The following MARCHF10 variants were observed in gnomAD, a reference collection of about 807,000 sequenced individuals.
MARCHF10 encodes the protein membrane associated ring-CH-type finger 10.
A neutral mutation model predicts 76.2 loss-of-function variants in MARCHF10; 64 were observed. The observed-to-expected ratio is 0.84, with a 90% CI of 0.69 to 1.03. The LOEUF is 1.03. Among genes scored for constraint, MARCHF10 ranks in the 50% least tolerant of loss-of-function variants. The pLI is 0.00. For synonymous variants in MARCHF10, 340 were observed against 357.5 expected, an observed-to-expected ratio of 0.95 and a Z score of 0.55; for missense variants, 875 against 958.0, an observed-to-expected ratio of 0.91 and a Z score of 1.14.
At chr17:62,785,498 A>C (rs991782158) in intron 3 of MARCHF10, among the ~76,000 whole-genome samples, 1 of 152,198 alleles carries the variant, frequency 6.6e-6, no homozygotes, top group Admixed American at 6.5e-5. Flanking sequence ...ACCAAAAGCA[A>C]TGGCAACAAA....
intron 6 of MARCHF10, among the ~76,000 whole-genome samples, chr17:62,734,117 G>A (rs1416083149): frequency 1.3e-5 from 2 of 152,136 alleles, no homozygotes; most frequent in Non-Finnish European, 2.9e-5. Flanking sequence ...CCTAGAGGTG[G>A]AGGTTGCAGT....
chr17:62,716,639 T>C (rs2090213918), intron 8 of MARCHF10, among the ~76,000 whole-genome samples: 1 of 151,898 alleles, frequency 6.6e-6, no homozygotes, highest in Non-Finnish European at 1.5e-5. Context: ...AGTTATCATT[T>C]TGGGTGGTAA....
At chr17:62,766,777 G>T (rs192305914) in intron 3 of MARCHF10, among the ~76,000 whole-genome samples, 1 of 152,148 alleles carries the variant, frequency 6.6e-6, no homozygotes, top group Non-Finnish European at 1.5e-5. Flanking sequence ...TGTATCATAC[G>T]CGCCTATTAT....
chr17:62,778,483 C>T (rs1167964336), intron 3 of MARCHF10, among the ~76,000 whole-genome samples: 2 of 152,020 alleles, frequency 1.3e-5, no homozygotes, highest in African/African-American at 4.8e-5. Context: ...CAAATCCAAG[C>T]ACTTTGGGAG....
chr17:62,792,795 A>ATCACCACCTCCATCACTACCC (rs1300903513), intron 2 of MARCHF10, among the ~76,000 whole-genome samples: 27 of 121,676 alleles, frequency 2.2e-4, no homozygotes, highest in African/African-American at 8.5e-4. Context: ...CTCCATCACC[A>ATCACCACCTCCATCACTACCC]CCACCACCTC....
At chr17:62,744,112 T>C (rs1366420734) in intron 5 of MARCHF10, among the ~76,000 whole-genome samples, 1 of 152,008 alleles carries the variant, frequency 6.6e-6, no homozygotes, top group Admixed American at 6.6e-5. Context: ...TCAAAACCAG[T>C]TACACTCATG....
At chr17:62,737,809 A>G (rs2091341050) in intron 5 of MARCHF10, 3 of 159,116 alleles carry the variant, frequency 1.9e-5, no homozygotes, top group Non-Finnish European at 4.1e-5. Context: ...GAGAAGTATA[A>G]CATGTCTTGG....
intron 4 of MARCHF10, among the ~76,000 whole-genome samples, chr17:62,755,217 G>A (rs2092005601): frequency 6.6e-6 from 1 of 152,354 alleles, no homozygotes; most frequent in African/African-American, 2.4e-5. Flanking sequence ...ATCCAGATCT[G>A]TCTTCCTGGC....
rs146838866 is a variant in MARCHF10, at chr17:62,795,141, G to A, written c.90+6505C>T. The stretch of plus-strand genomic sequence containing the variant: ...AACCCTTGCCACCCGCTATAAAGTC[G>A]CCTATCGTGTCCTTGAACACATGTA... On this transcript the variant is annotated intron_variant, in intron 2 of 10. Coordinates refer to ENST00000311269, the MANE Select transcript of MARCHF10 (RefSeq NM_152598.4). The A allele has an allele frequency of 2.3e-4, 170 of 753,638 alleles. No homozygotes were observed. The African/African-American group carries it at 2.5e-3, about 11-fold the overall frequency. 46.7% of individuals were successfully genotyped at this position (753,638 alleles called of 1,614,324 possible).
intron 4 of MARCHF10, among the ~76,000 whole-genome samples, chr17:62,746,386 C>T (rs1481101186): frequency 2.0e-5 from 3 of 151,414 alleles, no homozygotes; most frequent in Non-Finnish European, 4.4e-5. Context: ...CTTGGGATGG[C>T]GTAGGATGTT....
rs565983116 is a variant in MARCHF10, at chr17:62,739,957, G to A, written c.536-2625C>T. ...AGTCCCAGGGTATGCGCGGTGTTGCGGCTCCTGCAGATTCCTGAAACATGC... is the reference window on the plus strand; with the variant it reads ...AGTCCCAGGGTATGCGCGGTGTTGCAGCTCCTGCAGATTCCTGAAACATGC... On this transcript the variant is annotated intron_variant, in intron 5 of 10. Coordinates refer to ENST00000311269, the MANE Select transcript of MARCHF10 (RefSeq NM_152598.4). 1.2e-4 allele frequency among the ~76,000 whole-genome samples: 18 copies of A among 152,188 alleles called. 1 individual carries two copies. The South Asian group carries it at 2.5e-3, about 21-fold the overall frequency.
intron 7 of MARCHF10, among the ~76,000 whole-genome samples, chr17:62,723,231 A>C (rs550505028): frequency 6.7e-6 from 1 of 150,266 alleles, no homozygotes; most frequent in Admixed American, 6.7e-5. Flanking sequence ...AAAAACAGGC[A>C]TTCTAGATCA....
intron 5 of MARCHF10, among the ~76,000 whole-genome samples, chr17:62,739,806 T>C (rs2091439206): frequency 6.6e-6 from 1 of 152,086 alleles, no homozygotes; most frequent in African/African-American, 2.4e-5. Context: ...AAACACCCAA[T>C]GGGCAAAAGA....
At chr17:62,780,112 C>A (rs894651616) in intron 3 of MARCHF10, among the ~76,000 whole-genome samples, 1 of 151,302 alleles carries the variant, frequency 6.6e-6, no homozygotes, top group Non-Finnish European at 1.5e-5. Context: ...AAAAACAAAC[C>A]AAAAAACAAA....
chr17:62,801,482 C>T (rs905658718), intron 2 of MARCHF10, among the ~76,000 whole-genome samples, 164 bp downstream of exon 2: 24 of 147,142 alleles, frequency 1.6e-4, no homozygotes, highest in African/African-American at 3.8e-4. Context: ...TTTTTACAGA[C>T]GAGGATACAG....
intron 3 of MARCHF10, among the ~76,000 whole-genome samples, chr17:62,767,107 A>G (rs565625507): frequency 1.3e-5 from 2 of 152,124 alleles, no homozygotes; most frequent in East Asian, 3.9e-4. Context: ...TGGGGTGAGG[A>G]GGAGGGTGTG....
At chr17:62,719,476 A>G (rs916464374) in intron 8 of MARCHF10, among the ~76,000 whole-genome samples, 1 of 152,076 alleles carries the variant, frequency 6.6e-6, no homozygotes, top group Non-Finnish European at 1.5e-5. Context: ...TCTTGCTTGC[A>G]TGCTTTCTGG....
At chr17:62,799,451 A>G (rs925521122) in intron 2 of MARCHF10, among the ~76,000 whole-genome samples, 1 of 152,218 alleles carries the variant, frequency 6.6e-6, no homozygotes, top group Admixed American at 6.5e-5. Context: ...TCTCACAGTG[A>G]TAAGAATAAA....
At chr17:62,725,189 A>G in intron 6 of MARCHF10, 85 bp from the exon 7 acceptor site, 2 of 1,306,428 alleles carry the variant, frequency 1.5e-6, no homozygotes, top group Non-Finnish European at 2.1e-6. Flanking sequence ...ATTGACAGAG[A>G]AGGAAGAGGG....
Sources: gnomAD v4.1 joint callset for allele counts (sites outside exome capture counted in the v4.1 genomes callset) on GRCh38, gnomAD v4.1.1 for gene constraint, MANE v1.5 for transcripts, NCBI Gene and HGNC (gene_info 2026-07-23, HGNC 2026-07-21) for gene names.